Variants in ZNF43 observed in about 807,000 individuals in gnomAD.
ZNF43 encodes the protein zinc finger protein 43.
In ZNF43, 44 loss-of-function variants were observed where a neutral mutation model predicts 68.4. The ratio of observed to expected loss-of-function variants is 0.64; its 90% CI spans 0.51 to 0.83. ZNF43 has a LOEUF of 0.83. Ranked by LOEUF, ZNF43 falls within the 40% of genes least tolerant of loss-of-function variation. The probability of loss-of-function intolerance (pLI) is 0.00; values close to 1 mark genes in which losing one functional copy is unlikely to be tolerated. For synonymous variants in ZNF43, 308 were observed against 307.8 expected (o/e 1.00, Z -0.01); for missense variants, 896 against 933.2 (o/e 0.96, Z 0.52).
upstream of ZNF43, chr19:21,840,400 G>A (rs1330388345): frequency 2.6e-5 from 4 of 152,254 alleles, no homozygotes; most frequent in Non-Finnish European, 1.5e-5. Context: ...CCATTTCTTA[G>A]TATTAGAGTC....
intron 1 of ZNF43, among the ~76,000 whole-genome samples, chr19:21,844,347 CAAAAAAAAAAAAA>C (rs57500822): frequency 7.0e-5 from 3 of 43,140 alleles, no homozygotes; most frequent in African/African-American, 1.2e-4. Flanking sequence ...GACTCTGTCT[CAAAAAAAAAAAAA>C]AAAAAAAAAA....
At chr19:21,844,057 T>C (rs901527039) in intron 1 of ZNF43, among the ~76,000 whole-genome samples, 4 of 152,104 alleles carry the variant, frequency 2.6e-5, no homozygotes, top group Non-Finnish European at 5.9e-5. Flanking sequence ...TTATACAATA[T>C]ACAGGAGAGT....
intron 1 of ZNF43, among the ~76,000 whole-genome samples, chr19:21,834,934 T>C (rs2038624653): frequency 1.4e-5 from 2 of 140,896 alleles, no homozygotes; most frequent in South Asian, 4.5e-4. Flanking sequence ...GTATCTAAAA[T>C]GTACACTAAA....
At position 21,809,001 on chromosome 19, in the gene ZNF43, C is replaced by T. The variant is rs764651013; in HGVS notation, c.1036G>A (p.Glu346Lys). ...HTGEKPYTCE[E>K]CGKAFNQFSN... The stretch of plus-strand genomic sequence containing the variant: ...AACTGGTTAAAGGCTTTGCCACATT[C>T]TTCACATGTGTAGGGTTTCTCTCCA... The change falls in exon 4 of 4, where the codon GAA (glutamate) becomes AAA (lysine). Residue 346 changes from glutamate to lysine, a missense_variant. Transcript: ENST00000354959. 1 of 1,613,582 alleles carries T rather than the reference C, an allele frequency of 6.2e-7. No individual in the cohort carries two copies. The highest frequency in any genetic ancestry group is 8.5e-7 in the Non-Finnish European group (1 of 1,179,752).
Position 21,809,399 on chromosome 19 carries a change from CAGTT to C in ZNF43, c.634_637del (p.Asn212AlafsTer66), listed in dbSNP as rs1568346777. ...CTTATGTTTAGTGATGATTGAAGGGCAGTTAAAAGCTTTTCCACATTTTTCACAT... is the reference window on the plus strand; with the variant it reads ...CTTATGTTTAGTGATGATTGAAGGGCAAAAGCTTTTCCACATTTTTCACAT... On this transcript the variant is annotated frameshift_variant, in exon 4 of 4. Transcript: ENST00000354959. LOFTEE classifies it high-confidence loss of function. 1 of 1,613,334 alleles carries C rather than the reference CAGTT, an allele frequency of 6.2e-7. No individual in the cohort carries two copies. Among genetic ancestry groups the C allele is most frequent in the East Asian group, 2.2e-5 (1 of 44,834 alleles).
In ZNF43 at chr19:21,807,527, C is replaced by G; in HGVS notation, c.*80G>C. 1 of 1,311,360 alleles carries G rather than the reference C, an allele frequency of 7.6e-7. No individual in the cohort carries two copies. Among genetic ancestry groups the G allele is most frequent in the South Asian group, 1.7e-5 (1 of 58,024 alleles). The allele number at this position is 1,311,360 out of a possible 1,614,324, so 81.2% of individuals were successfully genotyped here. On this transcript the variant is annotated 3_prime_UTR_variant, in exon 4 of 4. Coordinates refer to ENST00000354959, the MANE Select transcript of ZNF43 (RefSeq NM_003423.4). Reference sequence around the variant, plus strand: ...AGAAGTTTACTCCAATGTAAATTATCTTACCTACAATCAAGTGTGACAACC... The same window carrying G: ...AGAAGTTTACTCCAATGTAAATTATGTTACCTACAATCAAGTGTGACAACC...
chr19:21,835,703 AC>A (rs1268403044), intron 1 of ZNF43, among the ~76,000 whole-genome samples: 1 of 152,066 alleles, frequency 6.6e-6, no homozygotes, highest in East Asian at 1.9e-4. Context: ...AATGCCACGG[AC>A]CAAAGCTCTT....
intron 1 of ZNF43, among the ~76,000 whole-genome samples, chr19:21,835,355 G>GT (rs554756455): frequency 0.18 from 21,828 of 119,562 alleles, 2,524 homozygotes; most frequent in Non-Finnish European, 0.24. Flanking sequence ...ATCTAGTTTA[G>GT]TTTTTTTTTT....
chr19:21,813,613 C>A (rs935792436), intron 3 of ZNF43, among the ~76,000 whole-genome samples: 1 of 152,022 alleles, frequency 6.6e-6, no homozygotes, highest in African/African-American at 2.4e-5. Flanking sequence ...AGTAGTCACA[C>A]TCATAAAATC....
chr19:21,846,476 G>C (rs1967963839), intron 1 of ZNF43, among the ~76,000 whole-genome samples: 2 of 152,160 alleles, frequency 1.3e-5, no homozygotes, highest in South Asian at 4.1e-4. Context: ...CCAGATAAAA[G>C]AGGAGAGTCA....
chr19:21,809,874 C>A, intron 3 of ZNF43, 67 bp from the exon 4 acceptor site: 3 of 1,379,102 alleles, frequency 2.2e-6, no homozygotes, highest in South Asian at 1.7e-5. Flanking sequence ...CTTTATGTAA[C>A]ATATAAAATC....
chr19:21,846,352 A>C (rs1967954898), intron 1 of ZNF43, among the ~76,000 whole-genome samples: 1 of 152,124 alleles, frequency 6.6e-6, no homozygotes, highest in Non-Finnish European at 1.5e-5. Context: ...CTGAACAGGG[A>C]CCAAGCATAA....
chr19:21,851,999 G>T, exon 1 of ZNF43: 1 of 1,505,556 alleles, frequency 6.6e-7, no homozygotes, highest in East Asian at 2.6e-5. Context: ...AAAGTCACCG[G>T]GGATTCCCGA....
At chr19:21,827,443 C>A (rs1599500406) in intron 1 of ZNF43, among the ~76,000 whole-genome samples, 1 of 151,666 alleles carries the variant, frequency 6.6e-6, no homozygotes, top group East Asian at 1.9e-4. Context: ...CTCACTGCAA[C>A]CTCCGCCTCC....
chr19:21,808,572 T>G lies in ZNF43; in HGVS notation c.1465A>C (p.Lys489Gln), dbSNP rs1487699538. ...EKPYKCEECGKAFSRSSNLTK... is the reference protein window; with the variant it reads ...EKPYKCEECGQAFSRSSNLTK... The stretch of plus-strand genomic sequence containing the variant: ...AGGTTTGAGGACCGGCTAAAAGCTT[T>G]GCCACATTCTTCACATTTGTACGGT... Residue 489 changes from lysine to glutamine, a missense_variant, in exon 4 of 4, where the codon AAA becomes CAA. By Grantham distance (53) the Lys-to-Gln change is moderately conservative. Coordinates refer to ENST00000354959, the MANE Select transcript of ZNF43 (RefSeq NM_003423.4). The G allele has an allele frequency of 6.2e-7, 1 of 1,613,022 alleles. No homozygotes were observed. Among genetic ancestry groups the G allele is most frequent in the African/African-American group, 1.3e-5 (1 of 74,806 alleles).
At chr19:21,825,262 A>C (rs1406911411) in intron 1 of ZNF43, among the ~76,000 whole-genome samples, 1 of 152,132 alleles carries the variant, frequency 6.6e-6, no homozygotes, top group African/African-American at 2.4e-5. Context: ...CAACCAAAAA[A>C]AAAAGTTGTC....
At chr19:21,851,613 C>T (rs1313781906) in intron 1 of ZNF43, among the ~76,000 whole-genome samples, 2 of 151,892 alleles carry the variant, frequency 1.3e-5, no homozygotes, top group African/African-American at 4.8e-5. Context: ...CCTGCGCACA[C>T]ACCGAGTCGG....
rs147065418 is a variant in ZNF43, at chr19:21,817,006, C to T, written c.229+882G>A. Among the ~76,000 whole-genome samples the T allele has an allele frequency of 2.7e-3, 404 of 152,078 alleles. 2 individuals are homozygous for T. Among genetic ancestry groups the T allele is most frequent in the African/African-American group, 9.5e-3 (395 of 41,492 alleles). Reference sequence around the variant, plus strand: ...CTGTAATCCCAGCAATTTGGAAGGCCGAGGCAGACAGATCACCTGAGGTCA... The same window carrying T: ...CTGTAATCCCAGCAATTTGGAAGGCTGAGGCAGACAGATCACCTGAGGTCA... On this transcript the variant is annotated intron_variant, in intron 3 of 3. Transcript: ENST00000354959.
chr19:21,834,567 G>C (rs947453096), intron 1 of ZNF43, among the ~76,000 whole-genome samples: 1 of 151,816 alleles, frequency 6.6e-6, no homozygotes, highest in African/African-American at 2.4e-5. Context: ...AACCAGCTTG[G>C]CCAACAAGGT....
Sources: allele counts gnomAD v4.1 joint callset (sites outside exome capture counted in the v4.1 genomes callset), GRCh38; gene constraint gnomAD v4.1.1; transcripts MANE v1.5; gene names NCBI Gene and HGNC (gene_info 2026-07-23, HGNC 2026-07-21).